The following ZCCHC7 variants were observed in gnomAD, a reference collection of about 807,000 sequenced individuals.
ZCCHC7 encodes zinc finger CCHC-type containing 7, also known as zinc finger CCHC domain-containing protein 7.
ZCCHC7 carries 35 observed loss-of-function variants against 52.0 expected under a neutral mutation model. The ratio of observed to expected loss-of-function variants is 0.67; its 90% confidence interval spans 0.51 to 0.89. The LOEUF is 0.89. Among genes scored for constraint, ZCCHC7 ranks in the 40% least tolerant of loss-of-function variants. The pLI, the probability that ZCCHC7 is intolerant of heterozygous loss-of-function variation, is 0.00. For synonymous variants in ZCCHC7, 217 were observed against 221.5 expected (o/e 0.98, Z 0.18); for missense variants, 574 against 649.1 (o/e 0.88, Z 1.26).
chr9:37,259,280 C>A (rs1401996058), intron 2 of ZCCHC7, among the ~76,000 whole-genome samples: 1 of 151,994 alleles, frequency 6.6e-6, no homozygotes, highest in Admixed American at 6.6e-5. Flanking sequence ...AACACAAATT[C>A]AAAATTATGT....
intron 2 of ZCCHC7, among the ~76,000 whole-genome samples, chr9:37,261,112 CAT>C: frequency 6.6e-6 from 1 of 152,170 alleles, no homozygotes; most frequent in South Asian, 2.1e-4. Context: ...TTGTTGATAC[CAT>C]ATATGTCCCC....
intron 5 of ZCCHC7, among the ~76,000 whole-genome samples, chr9:37,315,032 T>TTAA (rs1028134784): frequency 1.2e-4 from 19 of 152,028 alleles, no homozygotes; most frequent in African/African-American, 3.9e-4. Flanking sequence ...TGTCTACTAG[T>TTAA]TAAAATAATT....
At chr9:37,141,083 T>C (rs1006414110) in intron 2 of ZCCHC7, among the ~76,000 whole-genome samples, 4 of 151,972 alleles carry the variant, frequency 2.6e-5, no homozygotes, top group African/African-American at 9.7e-5. Flanking sequence ...TCAAAAGATC[T>C]TTAGTAGTAT....
chr9:37,222,328 AGTGTGTGTGTGTGTGTGTGTGTGTGT>A (rs74182938), intron 2 of ZCCHC7, among the ~76,000 whole-genome samples: 5 of 133,096 alleles, frequency 3.8e-5, no homozygotes, highest in South Asian at 5.2e-4. Context: ...AGAATAACAG[AGTGTGTGTGTGTGTGTGTGTGTGTGT>A]GTGTGTGTGT....
chr9:37,271,415 T>C (rs1329658310), intron 2 of ZCCHC7, among the ~76,000 whole-genome samples: 1 of 152,216 alleles, frequency 6.6e-6, no homozygotes, highest in Non-Finnish European at 1.5e-5. Flanking sequence ...GGACTTAGTT[T>C]ATTACAATGG....
chr9:37,166,465 C>A (rs547907663), intron 2 of ZCCHC7, among the ~76,000 whole-genome samples: 1 of 152,084 alleles, frequency 6.6e-6, no homozygotes, highest in Non-Finnish European at 1.5e-5. Context: ...CCTGGTATGT[C>A]TGTCTTGAGA....
In ZCCHC7 at chr9:37,245,640, C is replaced by A. The variant is rs533665293; in HGVS notation, c.611-56548C>A. Among the ~76,000 whole-genome samples the A allele has an allele frequency of 6.6e-5, 10 of 151,962 alleles. No homozygotes were observed. In the East Asian group the frequency reaches 1.9e-3, roughly 29 times the overall value. The stretch of plus-strand genomic sequence containing the variant: ...TACCTTGATAGATGAAAATATAGGA[C>A]ATCATGGGGACGTCTAGGACTCTGA... On this transcript the variant is annotated intron_variant, in intron 2 of 8. Transcript: ENST00000336755.
intron 6 of ZCCHC7, among the ~76,000 whole-genome samples, chr9:37,335,703 A>G (rs1830619549): frequency 1.3e-5 from 2 of 152,134 alleles, no homozygotes; most frequent in Non-Finnish European, 1.5e-5. Context: ...TCTGTCTCCT[A>G]ACAATGTTTC....
intron 2 of ZCCHC7, among the ~76,000 whole-genome samples, chr9:37,219,579 T>C (rs1824704769): frequency 6.6e-6 from 1 of 152,236 alleles, no homozygotes; most frequent in Admixed American, 6.5e-5. Context: ...TGGCACTCTT[T>C]TAAGAATTAT....
intron 2 of ZCCHC7, among the ~76,000 whole-genome samples, chr9:37,190,425 T>C (rs1822959433): frequency 6.6e-6 from 1 of 152,258 alleles, no homozygotes; most frequent in South Asian, 2.1e-4. Flanking sequence ...AGATTTCAGC[T>C]GCTTTGAGTC....
chr9:37,142,379 G>C (rs1843266427), intron 2 of ZCCHC7, among the ~76,000 whole-genome samples: 1 of 151,712 alleles, frequency 6.6e-6, no homozygotes, highest in Non-Finnish European at 1.5e-5. Context: ...GTAAGGGCAA[G>C]CCTTCTTTCT....
At chr9:37,228,278 AT>A (rs1289774666) in intron 2 of ZCCHC7, among the ~76,000 whole-genome samples, 1 of 152,192 alleles carries the variant, frequency 6.6e-6, no homozygotes, top group African/African-American at 2.4e-5. Context: ...AGGCATGAAA[AT>A]GTTCTGTACC....
intron 2 of ZCCHC7, among the ~76,000 whole-genome samples, chr9:37,211,234 A>G (rs746395882): frequency 6.6e-6 from 1 of 152,202 alleles, no homozygotes; most frequent in African/African-American, 2.4e-5. Flanking sequence ...GATTTTTACA[A>G]ATGTTAGAAA....
intron 2 of ZCCHC7, among the ~76,000 whole-genome samples, chr9:37,223,892 G>A (rs2133276039): frequency 6.6e-6 from 1 of 152,134 alleles, no homozygotes; most frequent in Non-Finnish European, 1.5e-5. Flanking sequence ...TAGTAAAACA[G>A]CATGCACCCA....
chr9:37,352,009 G>A (rs983645741), intron 7 of ZCCHC7, among the ~76,000 whole-genome samples: 1 of 152,206 alleles, frequency 6.6e-6, no homozygotes, highest in Admixed American at 6.5e-5. Context: ...TAATGAAGAA[G>A]ATCATTGGTG....
At chr9:37,188,567 TC>T (rs1309092851) in intron 2 of ZCCHC7, among the ~76,000 whole-genome samples, 2 of 41,688 alleles carry the variant, frequency 4.8e-5, no homozygotes, top group Non-Finnish European at 8.8e-5. Flanking sequence ...CCCCCTACCC[TC>T]CCCCCTCACC....
chr9:37,270,784 T>C (rs1390978693), intron 2 of ZCCHC7, among the ~76,000 whole-genome samples: 1 of 138,238 alleles, frequency 7.2e-6, no homozygotes, highest in East Asian at 2.1e-4. Flanking sequence ...GAGGCCATCA[T>C]TGAAAGTAGT....
chr9:37,174,913 G>A (rs1821934322), intron 2 of ZCCHC7, among the ~76,000 whole-genome samples: 1 of 152,016 alleles, frequency 6.6e-6, no homozygotes, highest in Non-Finnish European at 1.5e-5. Context: ...GAGGCAGGCA[G>A]ATCACTTAAG....
intron 2 of ZCCHC7, among the ~76,000 whole-genome samples, chr9:37,285,808 A>C (rs981832456): frequency 1.3e-5 from 2 of 152,232 alleles, no homozygotes; most frequent in Non-Finnish European, 2.9e-5. Context: ...AGCACTTACT[A>C]TGTGACAAAC....
Sources: allele counts gnomAD v4.1 joint callset (sites outside exome capture counted in the v4.1 genomes callset), GRCh38; gene constraint gnomAD v4.1.1; transcripts MANE v1.5; gene names NCBI Gene and HGNC (gene_info 2026-07-23, HGNC 2026-07-21).